The following B3GALT1 variants were observed in gnomAD, a reference collection of about 807,000 sequenced individuals.
B3GALT1 encodes the protein UDP-Gal:betaGlcNAc beta 1,3-galactosyltransferase, polypeptide 1.
B3GALT1 carries 10 observed loss-of-function variants against 23.2 expected under a neutral mutation model. The observed-to-expected ratio is 0.43, with a 90% CI of 0.27 to 0.73. The LOEUF is 0.73. Ranked by LOEUF, B3GALT1 falls within the 30% of genes least tolerant of loss-of-function variation. B3GALT1 has a pLI of 0.21. For synonymous variants in B3GALT1, 156 were observed against 141.5 expected (o/e 1.10, Z -0.73); for missense variants, 299 against 405.4 (o/e 0.74, Z 2.25).
At chr2:167,364,374 C>T (rs1173301299) in intron 1 of B3GALT1, among the ~76,000 whole-genome samples, 6 of 148,590 alleles carry the variant, frequency 4.0e-5, no homozygotes, top group African/African-American at 1.5e-4. Flanking sequence ...ACTTTAAGTT[C>T]TAGGGTACAT....
intron 2 of B3GALT1, among the ~76,000 whole-genome samples, chr2:167,518,849 A>T (rs911337258): frequency 1.3e-5 from 2 of 152,170 alleles, no homozygotes; most frequent in African/African-American, 4.8e-5. Flanking sequence ...CTTACGGTCA[A>T]CGTTCTACTG....
intron 4 of B3GALT1, among the ~76,000 whole-genome samples, chr2:167,835,833 C>G (rs1013941826): frequency 2.0e-5 from 3 of 152,186 alleles, no homozygotes; most frequent in African/African-American, 7.2e-5. Context: ...GACAAAACTT[C>G]CAGAGGAACG....
intron 3 of B3GALT1, among the ~76,000 whole-genome samples, chr2:167,730,170 C>T (rs1453996312): frequency 2.0e-5 from 3 of 152,184 alleles, no homozygotes; most frequent in African/African-American, 7.2e-5. Flanking sequence ...TCCGCCGGGG[C>T]GCTCATCCAC....
intron 1 of B3GALT1, among the ~76,000 whole-genome samples, chr2:167,386,152 G>A (rs756270862): frequency 1.6e-4 from 25 of 152,238 alleles, no homozygotes; most frequent in African/African-American, 6.0e-4. Flanking sequence ...AGGAACTCTG[G>A]TTATCTTTTC....
At chr2:167,723,782 T>C (rs10153927) in intron 3 of B3GALT1, among the ~76,000 whole-genome samples, 25,681 of 152,116 alleles carry the variant, frequency 0.17, 2,434 homozygotes, top group East Asian at 0.41. Context: ...CCACTCACCT[T>C]TGCCTCCCAA....
At chr2:167,774,196 G>A (rs1688119357) in intron 3 of B3GALT1, among the ~76,000 whole-genome samples, 1 of 152,100 alleles carries the variant, frequency 6.6e-6, no homozygotes, top group Admixed American at 6.5e-5. Context: ...AATCAACCAT[G>A]TGACCCAGTA....
chr2:167,774,498 T>TTTTTTTTTTTTTTTTTTTTTTTG (rs1558974793), intron 3 of B3GALT1, among the ~76,000 whole-genome samples: 1 of 34,462 alleles, frequency 2.9e-5, no homozygotes, highest in Non-Finnish European at 4.4e-5. Context: ...TTTTTTTTTG[T>TTTTTTTTTTTTTTTTTTTTTTTG]TTTTTTTTTT....
chr2:167,767,681 T>C (rs997828394), intron 3 of B3GALT1, among the ~76,000 whole-genome samples: 2 of 152,174 alleles, frequency 1.3e-5, no homozygotes, highest in African/African-American at 2.4e-5. Context: ...AATCTAGCAG[T>C]TTCTTTGAAT....
At chr2:167,826,214 TC>T in intron 4 of B3GALT1, among the ~76,000 whole-genome samples, 1 of 152,228 alleles carries the variant, frequency 6.6e-6, no homozygotes, top group Admixed American at 6.5e-5. Flanking sequence ...TGACTCCCGG[TC>T]TTGCGCTCAG....
At chr2:167,623,267 G>A (rs1013201789) in intron 2 of B3GALT1, among the ~76,000 whole-genome samples, 4 of 151,916 alleles carry the variant, frequency 2.6e-5, no homozygotes, top group South Asian at 2.1e-4. Flanking sequence ...CCCATTACTG[G>A]GTATATGCCC....
At chr2:167,560,608 A>G (rs1683960782) in intron 2 of B3GALT1, among the ~76,000 whole-genome samples, 1 of 152,102 alleles carries the variant, frequency 6.6e-6, no homozygotes, top group Non-Finnish European at 1.5e-5. Context: ...AGGATGGAGG[A>G]AGATCTACCA....
At chr2:167,397,392 A>G (rs1215929525) in intron 1 of B3GALT1, among the ~76,000 whole-genome samples, 8 of 152,022 alleles carry the variant, frequency 5.3e-5, no homozygotes, top group Non-Finnish European at 8.8e-5. Flanking sequence ...GAGGAAAACT[A>G]TTTTTAAATA....
At chr2:167,361,192 T>C (rs1697493986) in intron 1 of B3GALT1, among the ~76,000 whole-genome samples, 1 of 150,110 alleles carries the variant, frequency 6.7e-6, no homozygotes, top group Non-Finnish European at 1.5e-5. Flanking sequence ...ATCTCTTTGA[T>C]ACACTGATTT....
intron 1 of B3GALT1, among the ~76,000 whole-genome samples, chr2:167,466,226 A>G (rs1422649781): frequency 6.6e-6 from 1 of 152,336 alleles, no homozygotes; most frequent in African/African-American, 2.4e-5. Context: ...ATAAGATGCT[A>G]AGATAATATC....
At chr2:167,843,943 G>A (rs1377387890) in intron 4 of B3GALT1, among the ~76,000 whole-genome samples, 1 of 152,182 alleles carries the variant, frequency 6.6e-6, no homozygotes, top group Admixed American at 6.5e-5. Flanking sequence ...AGGCTTTATA[G>A]AACCAAGAAC....
chr2:167,368,912 C>G (rs1033744511), intron 1 of B3GALT1, among the ~76,000 whole-genome samples: 38 of 151,424 alleles, frequency 2.5e-4, no homozygotes, highest in African/African-American at 8.5e-4. Flanking sequence ...TGTGAGTATT[C>G]CTAAGATAGT....
At chr2:167,426,841 C>A (rs1346895939) in intron 1 of B3GALT1, among the ~76,000 whole-genome samples, 1 of 152,126 alleles carries the variant, frequency 6.6e-6, no homozygotes, top group Non-Finnish European at 1.5e-5. Flanking sequence ...GATGCACATA[C>A]CCTGTAACCT....
At chr2:167,638,960 C>A (rs1029572803) in intron 2 of B3GALT1, among the ~76,000 whole-genome samples, 3 of 151,944 alleles carry the variant, frequency 2.0e-5, no homozygotes, top group Admixed American at 2.0e-4. Flanking sequence ...TCCCATCATT[C>A]TGTGCTTGTA....
At chr2:167,639,248 G>T (rs1331087711) in intron 2 of B3GALT1, among the ~76,000 whole-genome samples, 1 of 151,928 alleles carries the variant, frequency 6.6e-6, no homozygotes, top group South Asian at 2.1e-4. Flanking sequence ...AGCTATGATG[G>T]ATCATTGTAA....
Sources: gnomAD v4.1 joint callset for allele counts (sites outside exome capture counted in the v4.1 genomes callset) on GRCh38, gnomAD v4.1.1 for gene constraint, MANE v1.5 for transcripts, NCBI Gene and HGNC (gene_info 2026-07-23, HGNC 2026-07-21) for gene names.